DCBLD2: variants seen among roughly 807,000 people sequenced by gnomAD.
DCBLD2 encodes discoidin, CUB and LCCL domain-containing protein 2.
A neutral mutation model predicts 86.8 loss-of-function variants in DCBLD2; 54 were observed. That is an observed-to-expected ratio of 0.62 (90% CI 0.50 to 0.78). The LOEUF (loss-of-function observed/expected upper bound fraction) is 0.78. Among genes scored for constraint, DCBLD2 ranks in the 30% least tolerant of loss-of-function variants. DCBLD2 has a pLI of 0.00. For synonymous variants in DCBLD2, 354 were observed against 341.3 expected (o/e 1.04, Z -0.41); for missense variants, 908 against 954.2 (o/e 0.95, Z 0.64).
At chr3:98,826,221 T>C (rs1208294930) in intron 3 of DCBLD2, among the ~76,000 whole-genome samples, 1 of 152,170 alleles carries the variant, frequency 6.6e-6, no homozygotes, top group South Asian at 2.1e-4. Context: ...TTCCTTCTCT[T>C]AGGTTAGACA....
At chr3:98,825,444 C>T in intron 3 of DCBLD2, 78 bp from the exon 4 acceptor site, 1 of 1,100,478 alleles carries the variant, frequency 9.1e-7, no homozygotes, top group South Asian at 1.6e-5. Flanking sequence ...TCTCAGAATC[C>T]CAAACTGTAC....
chr3:98,901,033 C>T lies in DCBLD2; in HGVS notation c.205+89G>A, dbSNP rs571870932. On this transcript the variant is annotated intron_variant, in intron 1 of 15. Transcript: ENST00000326840. ...ACGCACGAAAGCGCACCGCGCCTCC[C>T]TGCAGCGTCTGCAGATTTGTTCAGG... The T allele has an allele frequency of 7.6e-5, 117 of 1,529,512 alleles. No homozygotes were observed. In the African/African-American group the frequency reaches 1.6e-3, roughly 20 times the overall value. The allele number at this position is 1,529,512 out of a possible 1,614,324, so 94.7% of individuals were successfully genotyped here. A position where few individuals can be genotyped will look rare whatever the true frequency, so the allele number is the denominator to read the frequency against.
intron 2 of DCBLD2, among the ~76,000 whole-genome samples, chr3:98,858,933 T>A (rs1341470323): frequency 6.6e-6 from 1 of 152,196 alleles, no homozygotes; most frequent in Non-Finnish European, 1.5e-5. Flanking sequence ...TGGCATCGCT[T>A]CACCTGGGAA....
intron 1 of DCBLD2, among the ~76,000 whole-genome samples, chr3:98,888,970 C>G (rs1020462925): frequency 6.6e-6 from 1 of 151,976 alleles, no homozygotes; most frequent in Non-Finnish European, 1.5e-5. Context: ...CTCTCTTACA[C>G]CCACTGCATA....
At chr3:98,871,832 T>C (rs1284406863) in intron 2 of DCBLD2, among the ~76,000 whole-genome samples, 1 of 152,210 alleles carries the variant, frequency 6.6e-6, no homozygotes, top group Non-Finnish European at 1.5e-5. Context: ...TCTTTTAGAA[T>C]AGTTTCAGTA....
intron 3 of DCBLD2, among the ~76,000 whole-genome samples, chr3:98,848,325 G>A (rs1399705386): frequency 6.6e-6 from 1 of 152,198 alleles, no homozygotes; most frequent in African/African-American, 2.4e-5. Flanking sequence ...TGGCTGCATA[G>A]TATTCCATGG....
Position 98,796,349 on chromosome 3 carries a change from CTTAGATTTTGCAGT to C in DCBLD2, c.*3009_*3022del, listed in dbSNP as rs1941596169. 1 of 152,582 alleles carries C rather than the reference CTTAGATTTTGCAGT, an allele frequency of 6.6e-6. No homozygotes were observed. Among genetic ancestry groups the C allele is most frequent in the Non-Finnish European group, 1.5e-5 (1 of 68,026 alleles). 9.5% of individuals were successfully genotyped at this position (152,582 alleles called of 1,614,324 possible). A position where few individuals can be genotyped will look rare whatever the true frequency, so the allele number is the denominator to read the frequency against. ...AAAGCATTTTAATAACCACCCAACT[CTTAGATTTTGCAGT>C]TTAGGGACTTCAAGTTCAGAACCAA... On this transcript the variant is annotated 3_prime_UTR_variant, in exon 16 of 16. Transcript: ENST00000326840.
chr3:98,860,272 A>G (rs1489297767), intron 2 of DCBLD2, among the ~76,000 whole-genome samples: 1 of 152,194 alleles, frequency 6.6e-6, no homozygotes, highest in Non-Finnish European at 1.5e-5. Flanking sequence ...AGTGATGGGG[A>G]GAATGGAACC....
intron 12 of DCBLD2, among the ~76,000 whole-genome samples, chr3:98,810,444 C>T (rs1576157474): frequency 6.6e-6 from 1 of 152,214 alleles, no homozygotes; most frequent in African/African-American, 2.4e-5. Context: ...TTCTATGTGG[C>T]ACAAATTACT....
intron 2 of DCBLD2, among the ~76,000 whole-genome samples, chr3:98,860,824 C>A (rs1401028021): frequency 6.6e-6 from 1 of 152,116 alleles, no homozygotes; most frequent in Non-Finnish European, 1.5e-5. Context: ...AACTAACAAG[C>A]AAAATAACCA....
chr3:98,829,383 T>A (rs1471992322), intron 3 of DCBLD2, among the ~76,000 whole-genome samples: 1 of 152,188 alleles, frequency 6.6e-6, no homozygotes, highest in African/African-American at 2.4e-5. Context: ...TTTTGTCATC[T>A]AGGTACTAAG....
intron 3 of DCBLD2, among the ~76,000 whole-genome samples, chr3:98,833,719 G>A (rs1426208137): frequency 1.3e-5 from 2 of 152,142 alleles, no homozygotes; most frequent in Non-Finnish European, 2.9e-5. Flanking sequence ...TTGGTGAGAT[G>A]GGTACTGTGC....
intron 3 of DCBLD2, among the ~76,000 whole-genome samples, chr3:98,833,752 G>T (rs377413146): frequency 4.6e-5 from 7 of 152,178 alleles, no homozygotes; most frequent in African/African-American, 1.7e-4. Context: ...CCAGGCTTCA[G>T]TCCCATGGAC....
intron 2 of DCBLD2, among the ~76,000 whole-genome samples, chr3:98,868,662 T>G (rs1943204301): frequency 6.6e-6 from 1 of 152,138 alleles, no homozygotes; most frequent in South Asian, 2.1e-4. Context: ...TATGCTGTTA[T>G]TTATCCACAA....
chr3:98,895,745 T>C (rs1943741209), intron 1 of DCBLD2, among the ~76,000 whole-genome samples: 2 of 152,196 alleles, frequency 1.3e-5, no homozygotes, highest in African/African-American at 4.8e-5. Context: ...CCTTCTGATA[T>C]CCTTCCTTGG....
intron 2 of DCBLD2, among the ~76,000 whole-genome samples, chr3:98,875,247 C>G (rs192789983): frequency 1.6e-5 from 2 of 122,132 alleles, no homozygotes; most frequent in African/African-American, 6.1e-5. Flanking sequence ...TACAGAAATA[C>G]AATCTCACAT....
chr3:98,806,199 G>A (rs1174818631), intron 13 of DCBLD2, among the ~76,000 whole-genome samples: 1 of 152,178 alleles, frequency 6.6e-6, no homozygotes, highest in Non-Finnish European at 1.5e-5. Context: ...AGCTTTTGCA[G>A]ATACACAAAA....
At chr3:98,845,323 A>G (rs942022749) in intron 3 of DCBLD2, among the ~76,000 whole-genome samples, 2 of 152,190 alleles carry the variant, frequency 1.3e-5, no homozygotes, top group African/African-American at 4.8e-5. Flanking sequence ...GCATTACTGT[A>G]GCTCAGAGCT....
intron 3 of DCBLD2, among the ~76,000 whole-genome samples, chr3:98,830,772 A>G (rs529001994): frequency 1.3e-4 from 20 of 152,330 alleles, no homozygotes; most frequent in Admixed American, 3.9e-4. Flanking sequence ...AGTTCTGTGA[A>G]GAATGTCATT....
Sources: allele counts gnomAD v4.1 joint callset (sites outside exome capture counted in the v4.1 genomes callset), GRCh38; gene constraint gnomAD v4.1.1; transcripts MANE v1.5; gene names NCBI Gene and HGNC (gene_info 2026-07-23, HGNC 2026-07-21).